Variants in EPG5 observed in about 807,000 individuals in gnomAD.
EPG5 encodes ectopic P-granules 5 autophagy tethering factor.
Under a neutral mutation model 302.7 loss-of-function variants are expected in EPG5, and 159 were observed. That is an observed-to-expected ratio of 0.53 (90% CI 0.46 to 0.60). The LOEUF is 0.60. Among genes scored for constraint, EPG5 ranks in the 20% least tolerant of loss-of-function variants. The pLI is 0.00. For synonymous variants in EPG5, 1,158 were observed against 1,136.8 expected (o/e 1.02, Z -0.37); for missense variants, 2,896 against 3,092.4 (o/e 0.94, Z 1.51).
chr18:45,837,458 T>C, the EPG5 span: 22 of 1,421,782 alleles, frequency 1.5e-5, no homozygotes, highest in Non-Finnish European at 2.0e-5. Flanking sequence ...AGGCCCCGGG[T>C]GCGGGCGCCT....
chr18:45,966,423 T>TGTATATATGTAC (rs1260179484), intron 1 of EPG5, among the ~76,000 whole-genome samples: 2 of 151,682 alleles, frequency 1.3e-5, no homozygotes, highest in Non-Finnish European at 2.9e-5. Flanking sequence ...CACACACATA[T>TGTATATATGTAC]GTATATATGT....
intron 24 of EPG5, among the ~76,000 whole-genome samples, chr18:45,907,602 T>C (rs1456684344): frequency 3.9e-5 from 6 of 152,098 alleles, no homozygotes; most frequent in African/African-American, 1.4e-4. Context: ...TTCTTACAAA[T>C]TCTTACACTG....
the EPG5 span, among the ~76,000 whole-genome samples, chr18:45,817,460 A>G: frequency 6.6e-6 from 1 of 152,230 alleles, no homozygotes; most frequent in Non-Finnish European, 1.5e-5. Context: ...TTATTTTATA[A>G]TTCTGTGAGT....
At position 45,888,256 on chromosome 18, in the gene EPG5, C is replaced by T. The variant is rs573065867; in HGVS notation, c.4953-349G>A. 3.0e-3 allele frequency among the ~76,000 whole-genome samples: 463 copies of T among 151,898 alleles called. 1 individual carries two copies. Among genetic ancestry groups the T allele is most frequent in the Non-Finnish European group, 4.7e-3 (321 of 67,912 alleles). ...GAGTAGCTGGGATTACAGGCACACG[C>T]TACCACACCTGGCTAATTTTTGTAT... is the stretch of plus-strand genomic sequence containing the variant. On this transcript the variant is annotated intron_variant, in intron 28 of 43. Coordinates refer to ENST00000282041, the MANE Select transcript of EPG5 (RefSeq NM_020964.3).
At chr18:45,948,617 T>C (rs927452612) in intron 5 of EPG5, 41 bp from the exon 6 acceptor site, 3 of 1,500,932 alleles carry the variant, frequency 2.0e-6, no homozygotes, top group Admixed American at 3.4e-5. Context: ...AGAAAACAAA[T>C]AACCCAAGTG....
In EPG5 at chr18:45,866,690, C is replaced by G. The variant is rs547471580; in HGVS notation, c.6621+108G>C. 31 of 837,182 alleles carry G rather than the reference C, an allele frequency of 3.7e-5. No homozygotes were observed. In the East Asian group the frequency reaches 7.5e-4, roughly 20 times the overall value. The allele number at this position is 837,182 out of a possible 1,614,324, so 51.9% of individuals were successfully genotyped here. A position where few individuals can be genotyped will look rare whatever the true frequency, so the allele number is the denominator to read the frequency against. On this transcript the variant is annotated intron_variant, in intron 38 of 43. Coordinates refer to ENST00000282041, the MANE Select transcript of EPG5 (RefSeq NM_020964.3). ...TGAGTATATGATAATACACATCCTC[C>G]GACTTCCTCTGCTGAGCACTTCCTA...
chr18:45,895,503 G>A (rs2049450664), intron 27 of EPG5, among the ~76,000 whole-genome samples: 1 of 152,108 alleles, frequency 6.6e-6, no homozygotes, highest in South Asian at 2.1e-4. Flanking sequence ...ACCATTCACA[G>A]ACCCCAGATT....
chr18:45,856,343 T>C (rs2048515567), intron 42 of EPG5, among the ~76,000 whole-genome samples: 1 of 152,176 alleles, frequency 6.6e-6, no homozygotes, highest in South Asian at 2.1e-4. Flanking sequence ...CAAAATAGGA[T>C]TCAATACATA....
At chr18:45,909,885 G>A (rs2049850171) in intron 23 of EPG5, among the ~76,000 whole-genome samples, 1 of 152,196 alleles carries the variant, frequency 6.6e-6, no homozygotes, top group Admixed American at 6.5e-5. Flanking sequence ...GTTTGGGGCT[G>A]AGGTGCACTA....
the EPG5 span, among the ~76,000 whole-genome samples, chr18:45,811,539 C>T: frequency 6.6e-6 from 1 of 152,154 alleles, no homozygotes; most frequent in South Asian, 2.1e-4. Context: ...CAAACCGAAT[C>T]CAGCAGCACA....
At chr18:45,930,345 C>T (rs1474188216) in intron 12 of EPG5, among the ~76,000 whole-genome samples, 1 of 152,136 alleles carries the variant, frequency 6.6e-6, no homozygotes, top group Non-Finnish European at 1.5e-5. Flanking sequence ...GTTTCTGCTA[C>T]TAGCCAGAGT....
chr18:45,947,166 G>C (rs1187420605), intron 6 of EPG5, among the ~76,000 whole-genome samples: 1 of 152,216 alleles, frequency 6.6e-6, no homozygotes, highest in Non-Finnish European at 1.5e-5. Context: ...TGTAATCACA[G>C]CACTTTGGGA....
chr18:45,954,635 G>C lies in EPG5; in HGVS notation c.767C>G (p.Thr256Ser). 6.2e-7 allele frequency: 1 copy of C among 1,614,210 alleles called. No homozygotes were observed. The highest frequency in any genetic ancestry group is 2.2e-5 in the East Asian group (1 of 44,892). Reference sequence around the variant, plus strand: ...CTCCAAGATTTTTAGCTGTTCTTTAGTAAATGGTACTAGTTCCAGTTGAGA... The same window carrying C: ...CTCCAAGATTTTTAGCTGTTCTTTACTAAATGGTACTAGTTCCAGTTGAGA... ...LPSQLELVPFTKEQLKILEPG... is the reference protein window; with the variant it reads ...LPSQLELVPFSKEQLKILEPG... Residue 256 changes from threonine to serine, a missense_variant, in exon 2 of 44, where the codon ACT (threonine) becomes AGT (serine). Thr to Ser is a moderately conservative substitution (Grantham distance 58). Coordinates refer to ENST00000282041, the MANE Select transcript of EPG5 (RefSeq NM_020964.3).
the EPG5 span, chr18:45,837,719 G>A: frequency 3.6e-3 from 5,373 of 1,499,610 alleles, 34 homozygotes; most frequent in South Asian, 0.019. Context: ...CTGCCAGACG[G>A]CGCTGAGCCT....
At chr18:45,819,624 G>A in the EPG5 span, among the ~76,000 whole-genome samples, 1 of 152,246 alleles carries the variant, frequency 6.6e-6, no homozygotes, top group African/African-American at 2.4e-5. Flanking sequence ...ATGAAGACTT[G>A]CCCAGGTCCT....
chr18:45,958,438 C>T (rs1055160613), intron 1 of EPG5, among the ~76,000 whole-genome samples: 2 of 151,294 alleles, frequency 1.3e-5, no homozygotes, highest in African/African-American at 2.5e-5. Context: ...CTACAAAGTA[C>T]AGTAATAAAG....
chr18:45,811,117 C>A, the EPG5 span, among the ~76,000 whole-genome samples: 1 of 152,058 alleles, frequency 6.6e-6, no homozygotes, highest in Admixed American at 6.6e-5. Flanking sequence ...GATAAGGACG[C>A]CCACTCTCAC....
chr18:45,903,440 T>A (rs941835606), intron 25 of EPG5, among the ~76,000 whole-genome samples: 4 of 152,302 alleles, frequency 2.6e-5, no homozygotes, highest in African/African-American at 9.6e-5. Context: ...AATAAGAAGG[T>A]ATTCTGCATT....
chr18:45,856,966 T>C (rs986413347), intron 42 of EPG5, among the ~76,000 whole-genome samples: 3 of 152,162 alleles, frequency 2.0e-5, no homozygotes, highest in African/African-American at 7.2e-5. Context: ...TTGGCCAGGC[T>C]GGAGTGCAAT....
Sources: allele counts gnomAD v4.1 joint callset (sites outside exome capture counted in the v4.1 genomes callset), GRCh38; gene constraint gnomAD v4.1.1; transcripts MANE v1.5; gene names NCBI Gene and HGNC (gene_info 2026-07-23, HGNC 2026-07-21).